The following ROBO2 variants were observed in gnomAD, a reference collection of about 807,000 sequenced individuals.
ROBO2 encodes the protein roundabout guidance receptor 2.
A neutral mutation model predicts 160.8 loss-of-function variants in ROBO2; 53 were observed. The observed-to-expected ratio is 0.33, with a 90% CI of 0.26 to 0.41. ROBO2 has a LOEUF of 0.41. ROBO2 is among the 10% of genes least tolerant of loss of function. The probability of loss-of-function intolerance (pLI) is 1.00; values close to 1 mark genes in which losing one functional copy is unlikely to be tolerated. For missense variants in ROBO2, 1,577 were observed against 1,722.4 expected (o/e 0.92, Z 1.49); for synonymous variants, 664 against 611.7 (o/e 1.09, Z -1.26).
chr3:77,149,379 A>G (rs1416184778), intron 2 of ROBO2, among the ~76,000 whole-genome samples: 2 of 152,158 alleles, frequency 1.3e-5, no homozygotes, highest in Non-Finnish European at 2.9e-5. Flanking sequence ...GTGTGAAGAT[A>G]GTAGTATTTA....
rs899944983 is a variant in ROBO2 at position 76,093,545 on chromosome 3, TATC to T, written c.109+155946_109+155948del. 1.3e-4 allele frequency among the ~76,000 whole-genome samples: 19 copies of T among 149,022 alleles called. 1 individual carries two copies. The highest frequency in any genetic ancestry group is 8.8e-4 in the Admixed American group (13 of 14,854). ...AGGCACAATATATTCTCATATATAT[TATC>T]ATTTTATAGTTATATATATTTATAT... On this transcript the variant is annotated intron_variant, in intron 2 of 26. Coordinates refer to the ROBO2 transcript ENST00000487694.
At chr3:77,025,494 A>G (rs572582998) in intron 2 of ROBO2, among the ~76,000 whole-genome samples, 2 of 152,350 alleles carry the variant, frequency 1.3e-5, no homozygotes, top group Admixed American at 1.3e-4. Context: ...GGTTAACATG[A>G]TAACTAACAA....
At chr3:76,032,700 G>T (rs2066966395) in intron 2 of ROBO2, among the ~76,000 whole-genome samples, 2 of 152,122 alleles carry the variant, frequency 1.3e-5, no homozygotes. Flanking sequence ...GTTCTAATTT[G>T]ATTGCATTGT....
At chr3:76,181,701 C>T (rs1701511862) in intron 2 of ROBO2, among the ~76,000 whole-genome samples, 1 of 152,052 alleles carries the variant, frequency 6.6e-6, no homozygotes, top group South Asian at 2.1e-4. Flanking sequence ...GTCATTTCCT[C>T]ATTTTCTAGC....
At chr3:76,759,165 G>C (rs1248883502) in intron 2 of ROBO2, among the ~76,000 whole-genome samples, 1 of 151,774 alleles carries the variant, frequency 6.6e-6, no homozygotes, top group African/African-American at 2.4e-5. Context: ...TAAGGAAAGT[G>C]AGGCACAGAT....
intron 2 of ROBO2, among the ~76,000 whole-genome samples, chr3:76,459,669 G>C (rs1362797691): frequency 6.6e-6 from 1 of 152,096 alleles, no homozygotes; most frequent in Non-Finnish European, 1.5e-5. Context: ...GTTCATTAAT[G>C]TAATAAGACA....
Position 76,784,151 on chromosome 3 carries a change from C to G in ROBO2, c.110-313863C>G, listed in dbSNP as rs574138748. 6.0e-5 allele frequency among the ~76,000 whole-genome samples: 9 copies of G among 151,178 alleles called. No homozygotes were observed. The South Asian group carries it at 1.9e-3, about 31-fold the overall frequency. ...ACTGGAGCTTTATTTTATTTTATGG[C>G]AATATTATATTACCTTGATGATTCA... On this transcript the variant is annotated intron_variant, in intron 2 of 26. Transcript: ENST00000487694.
At chr3:76,519,440 T>C (rs1035480403) in intron 2 of ROBO2, among the ~76,000 whole-genome samples, 1 of 152,168 alleles carries the variant, frequency 6.6e-6, no homozygotes, top group Non-Finnish European at 1.5e-5. Flanking sequence ...CAGGAATTAA[T>C]TAAAATGTAC....
intron 1 of ROBO2, among the ~76,000 whole-genome samples, chr3:75,907,852 CGTGTGTGTGTGT>C (rs56058203): frequency 0.42 from 62,356 of 148,576 alleles, 14,830 homozygotes; most frequent in Non-Finnish European, 0.55. Context: ...TAATCGTGTG[CGTGTGTGTGTGT>C]GTGTGTGTGT....
intron 2 of ROBO2, among the ~76,000 whole-genome samples, chr3:76,721,341 C>T (rs1276491871): frequency 6.6e-6 from 1 of 152,114 alleles, no homozygotes; most frequent in Non-Finnish European, 1.5e-5. Flanking sequence ...TTCATCTGTT[C>T]CTTCCTATTA....
At chr3:76,563,296 G>GATTAATAT (rs1398387128) in intron 2 of ROBO2, among the ~76,000 whole-genome samples, 3 of 152,040 alleles carry the variant, frequency 2.0e-5, no homozygotes, top group Non-Finnish European at 4.4e-5. Flanking sequence ...TAATAGAGCC[G>GATTAATAT]ATTAATATAT....
chr3:76,838,141 C>T (rs2067881828), intron 2 of ROBO2, among the ~76,000 whole-genome samples: 1 of 151,980 alleles, frequency 6.6e-6, no homozygotes, highest in Non-Finnish European at 1.5e-5. Context: ...AACAGAAAAC[C>T]GAATACCATG....
At chr3:77,317,289 G>T in intron 2 of ROBO2, 1 of 759,742 alleles carries the variant, frequency 1.3e-6, no homozygotes, top group Admixed American at 1.9e-5. Flanking sequence ...TTTTTTCCCA[G>T]TGTTAGGTGA....
At chr3:76,721,217 A>C (rs1179023816) in intron 2 of ROBO2, among the ~76,000 whole-genome samples, 2 of 152,184 alleles carry the variant, frequency 1.3e-5, no homozygotes, top group African/African-American at 2.4e-5. Context: ...TAAAATTAAA[A>C]ATTTTTACAA....
Position 77,067,509 on chromosome 3 carries a change from G to A in ROBO2, c.61+26663G>A, listed in dbSNP as rs1015938429. Among the ~76,000 whole-genome samples, 10 of 152,230 alleles carry A rather than the reference G, an allele frequency of 6.6e-5. No individual in the cohort carries two copies. The East Asian group carries it at 1.3e-3, about 21-fold the overall frequency. ...TATATGTGTCTCTAAAATAAGCTGC[G>A]CTTGAATTGGATATGCATAACAGAC... On this transcript the variant is annotated intron_variant, in intron 1 of 25. Transcript: ENST00000461745.
chr3:76,943,004 AAATATTGTGT>A (rs2078293110), intron 2 of ROBO2, among the ~76,000 whole-genome samples: 1 of 152,208 alleles, frequency 6.6e-6, no homozygotes. Flanking sequence ...AACCTATCAA[AAATATTGTGT>A]AGAGAAATAG....
At chr3:76,131,550 GTAGT>G (rs1443344328) in intron 2 of ROBO2, among the ~76,000 whole-genome samples, 1 of 152,108 alleles carries the variant, frequency 6.6e-6, no homozygotes, top group East Asian at 1.9e-4. Context: ...TGGTGAGGGA[GTAGT>G]TCCCTTTGGT....
intron 2 of ROBO2, among the ~76,000 whole-genome samples, chr3:77,248,044 C>A (rs1161917436): frequency 6.6e-6 from 1 of 152,028 alleles, no homozygotes; most frequent in Non-Finnish European, 1.5e-5. Flanking sequence ...CAGAGCTCAG[C>A]CAGCAGAGAG....
At chr3:77,282,484 TC>T (rs2060305233) in intron 2 of ROBO2, among the ~76,000 whole-genome samples, 1 of 151,968 alleles carries the variant, frequency 6.6e-6, no homozygotes, top group Non-Finnish European at 1.5e-5. Context: ...TAACATGCTT[TC>T]TTTATTATTA....
Sources: allele counts gnomAD v4.1 joint callset (sites outside exome capture counted in the v4.1 genomes callset), GRCh38; gene constraint gnomAD v4.1.1; transcripts MANE v1.5; gene names NCBI Gene and HGNC (gene_info 2026-07-23, HGNC 2026-07-21).